The following UBE2H variants were observed in gnomAD, a reference collection of about 807,000 sequenced individuals.
UBE2H encodes the protein ubiquitin-conjugating enzyme E2 H.
Under a neutral mutation model 29.0 loss-of-function variants are expected in UBE2H, and 3 were observed. That is an observed-to-expected ratio of 0.10 (90% CI 0.05 to 0.27). The LOEUF (loss-of-function observed/expected upper bound fraction) is 0.27, where lower values mean the gene tolerates loss of function less well. Among genes scored for constraint, UBE2H ranks in the 10% least tolerant of loss-of-function variants. UBE2H has a pLI of 1.00. For missense variants in UBE2H, 68 were observed against 228.2 expected (o/e 0.30, Z 4.52); for synonymous variants, 69 against 82.9 (o/e 0.83, Z 0.91).
intron 5 of UBE2H, among the ~76,000 whole-genome samples, chr7:129,844,815 T>C (rs1410722979): frequency 1.3e-5 from 2 of 152,218 alleles, no homozygotes; most frequent in Non-Finnish European, 2.9e-5. Context: ...TTTAGGCATA[T>C]AATTTATATT....
chr7:129,854,530 C>T (rs77658310), intron 5 of UBE2H, among the ~76,000 whole-genome samples: 9,524 of 152,282 alleles, frequency 0.063, 371 homozygotes, highest in Non-Finnish European at 0.092. Flanking sequence ...CAGAAGTCTG[C>T]TTTCAGTTCA....
chr7:129,853,897 GGTA>G (rs1216187595), intron 5 of UBE2H, among the ~76,000 whole-genome samples: 5 of 152,122 alleles, frequency 3.3e-5, no homozygotes, highest in Non-Finnish European at 5.9e-5. Context: ...CCTGGGGCAA[GGTA>G]AATGGCAGGA....
At chr7:129,897,505 G>A (rs971247334) in intron 1 of UBE2H, among the ~76,000 whole-genome samples, 6 of 152,096 alleles carry the variant, frequency 3.9e-5, no homozygotes, top group Non-Finnish European at 8.8e-5. Context: ...ACTTAAAAAG[G>A]GGAAGAGAAT....
At chr7:129,931,682 T>C (rs1185125798) in intron 1 of UBE2H, among the ~76,000 whole-genome samples, 1 of 152,160 alleles carries the variant, frequency 6.6e-6, no homozygotes, top group Admixed American at 6.6e-5. Context: ...AAGAGTACTT[T>C]AACAGACTTT....
intron 1 of UBE2H, among the ~76,000 whole-genome samples, chr7:129,944,304 C>T (rs759098976): frequency 1.1e-4 from 16 of 152,024 alleles, no homozygotes; most frequent in East Asian, 3.9e-4. Context: ...GGCAGTGAGC[C>T]GAGATCGCGC....
intron 3 of UBE2H, among the ~76,000 whole-genome samples, chr7:129,873,772 G>A (rs1429002682): frequency 1.3e-5 from 2 of 152,036 alleles, no homozygotes; most frequent in African/African-American, 2.4e-5. Context: ...GAGCTTGCTG[G>A]TTTTGTACCT....
At chr7:129,887,994 G>C (rs1327339872) in intron 1 of UBE2H, among the ~76,000 whole-genome samples, 1 of 152,316 alleles carries the variant, frequency 6.6e-6, no homozygotes, top group East Asian at 1.9e-4. Context: ...GGTTTCATAA[G>C]GATGTCTATG....
chr7:129,875,520 G>T lies in UBE2H; in HGVS notation c.205+4048C>A, dbSNP rs146202263. ...AACTTTTTAAATAAAATTATTTGAA[G>T]GATATAAAATATTTACCAAGCAATA... On this transcript the variant is annotated intron_variant, in intron 3 of 6. Coordinates refer to ENST00000355621, the MANE Select transcript of UBE2H (RefSeq NM_003344.4). Among the ~76,000 whole-genome samples the T allele has an allele frequency of 2.6e-3, 389 of 152,156 alleles. 1 individual carries two copies. Among genetic ancestry groups the T allele is most frequent in the Middle Eastern group, 0.01 (3 of 294 alleles).
intron 5 of UBE2H, among the ~76,000 whole-genome samples, chr7:129,852,006 C>T (rs901037830): frequency 2.0e-5 from 3 of 152,192 alleles, no homozygotes; most frequent in Non-Finnish European, 1.5e-5. Flanking sequence ...CCTCTATCTA[C>T]AAATAATGAC....
At chr7:129,886,013 CT>C (rs1806353482) in intron 1 of UBE2H, among the ~76,000 whole-genome samples, 2 of 152,186 alleles carry the variant, frequency 1.3e-5, no homozygotes, top group African/African-American at 4.8e-5. Flanking sequence ...TGATCGATTT[CT>C]GGATGTGCTG....
chr7:129,920,230 T>C (rs894022285), intron 1 of UBE2H, among the ~76,000 whole-genome samples: 1 of 151,732 alleles, frequency 6.6e-6, no homozygotes, highest in African/African-American at 2.4e-5. Context: ...TGCATATATA[T>C]ATGAACATTA....
At chr7:129,895,457 T>C (rs569193490) in intron 1 of UBE2H, among the ~76,000 whole-genome samples, 65 of 152,244 alleles carry the variant, frequency 4.3e-4, no homozygotes, top group Non-Finnish European at 7.4e-4. Flanking sequence ...GCAACTCACC[T>C]TGAAAACTTC....
chr7:129,872,870 A>G lies in UBE2H; in HGVS notation c.205+6698T>C, dbSNP rs1045464446. 1.0e-3 allele frequency among the ~76,000 whole-genome samples: 157 copies of G among 149,656 alleles called. 1 individual carries two copies. The highest frequency in any genetic ancestry group is 3.7e-3 in the African/African-American group (153 of 40,844). The stretch of plus-strand genomic sequence containing the variant: ...CAAAAAAAAAAAAAAAAAAAAAAAA[A>G]AAGAATTATGGCACACTGGTTATCA... On this transcript the variant is annotated intron_variant, in intron 3 of 6. Transcript: ENST00000355621.
intron 1 of UBE2H, among the ~76,000 whole-genome samples, chr7:129,919,917 G>A (rs753946942): frequency 6.6e-6 from 1 of 152,186 alleles, no homozygotes; most frequent in African/African-American, 2.4e-5. Context: ...TGATGGTGTG[G>A]ATATGAATAA....
chr7:129,947,506 G>T (rs538110985), intron 1 of UBE2H, among the ~76,000 whole-genome samples: 1 of 152,300 alleles, frequency 6.6e-6, no homozygotes, highest in African/African-American at 2.4e-5. Flanking sequence ...CTAACTTAGG[G>T]ATAGAGTAAC....
At chr7:129,869,765 C>G (rs984919178) in intron 3 of UBE2H, among the ~76,000 whole-genome samples, 8 of 152,186 alleles carry the variant, frequency 5.3e-5, no homozygotes, top group African/African-American at 9.7e-5. Context: ...AAAACAGACC[C>G]AGGGGCTGCC....
chr7:129,935,834 C>A (rs1372294002), intron 1 of UBE2H, among the ~76,000 whole-genome samples: 2 of 152,000 alleles, frequency 1.3e-5, no homozygotes, highest in African/African-American at 2.4e-5. Flanking sequence ...TTTTTTCTAT[C>A]AATAATAACA....
intron 1 of UBE2H, among the ~76,000 whole-genome samples, chr7:129,881,364 T>G (rs975018259): frequency 6.6e-6 from 1 of 152,182 alleles, no homozygotes; most frequent in Non-Finnish European, 1.5e-5. Flanking sequence ...CATAAAAAAC[T>G]GGCCAGACGC....
At chr7:129,949,352 C>G (rs774735357) in intron 1 of UBE2H, among the ~76,000 whole-genome samples, 1 of 152,210 alleles carries the variant, frequency 6.6e-6, no homozygotes, top group African/African-American at 2.4e-5. Context: ...GATCACCAAT[C>G]TACCTGACTT....
Sources: gnomAD v4.1 joint callset for allele counts (sites outside exome capture counted in the v4.1 genomes callset) on GRCh38, gnomAD v4.1.1 for gene constraint, MANE v1.5 for transcripts, NCBI Gene and HGNC (gene_info 2026-07-23, HGNC 2026-07-21) for gene names.